Variants in KIAA1549L observed in about 807,000 individuals in gnomAD.
KIAA1549L encodes the protein UPF0606 protein KIAA1549L.
KIAA1549L carries 88 observed loss-of-function variants against 160.7 expected under a neutral mutation model. That is an observed-to-expected ratio of 0.55 (90% CI 0.46 to 0.65). The LOEUF (loss-of-function observed/expected upper bound fraction) is 0.65. KIAA1549L is among the 30% of genes least tolerant of loss of function. The pLI is 0.00. For synonymous variants in KIAA1549L, 950 were observed against 976.7 expected (o/e 0.97, Z 0.51); for missense variants, 2,258 against 2,437.5 (o/e 0.93, Z 1.55).
chr11:33,391,709 G>A (rs755416894), intron 1 of KIAA1549L, among the ~76,000 whole-genome samples: 3 of 152,170 alleles, frequency 2.0e-5, no homozygotes, highest in Admixed American at 6.5e-5. Context: ...ACAACGGGTC[G>A]TGTTGGTCAC....
intron 17 of KIAA1549L, among the ~76,000 whole-genome samples, chr11:33,655,591 G>T (rs922090864): frequency 6.6e-6 from 1 of 152,200 alleles, no homozygotes; most frequent in South Asian, 2.1e-4. Context: ...CTAGTTGGTG[G>T]CAGATCGTAA....
At chr11:33,512,218 A>C (rs1020065155) in intron 1 of KIAA1549L, among the ~76,000 whole-genome samples, 2 of 152,254 alleles carry the variant, frequency 1.3e-5, no homozygotes, top group African/African-American at 4.8e-5. Context: ...GACAAGGTAC[A>C]AAACATGGAC....
At chr11:33,572,947 C>T (rs773894448) in intron 9 of KIAA1549L, among the ~76,000 whole-genome samples, 3 of 152,216 alleles carry the variant, frequency 2.0e-5, no homozygotes, top group Non-Finnish European at 4.4e-5. Context: ...TTCACTTCCT[C>T]ATCAACACTT....
intron 1 of KIAA1549L, among the ~76,000 whole-genome samples, chr11:33,491,329 A>C (rs1052619049): frequency 4.7e-4 from 71 of 152,326 alleles, no homozygotes; most frequent in African/African-American, 1.7e-3. Context: ...TACACGGTTC[A>C]CATGGCACTA....
intron 15 of KIAA1549L, 69 bp downstream of exon 15, chr11:33,610,035 T>C: frequency 8.5e-7 from 1 of 1,174,796 alleles, no homozygotes. Flanking sequence ...CCTTGGGCAG[T>C]ATATCCTGGT....
chr11:33,404,508 C>G (rs1280667416), intron 1 of KIAA1549L, among the ~76,000 whole-genome samples: 1 of 151,912 alleles, frequency 6.6e-6, no homozygotes, highest in East Asian at 1.9e-4. Flanking sequence ...GCCTGGGCGA[C>G]AGAGCGAGAC....
chr11:33,615,757 C>A (rs1590400621), intron 15 of KIAA1549L, among the ~76,000 whole-genome samples: 1 of 152,286 alleles, frequency 6.6e-6, no homozygotes. Flanking sequence ...TGCAAAATAA[C>A]CTACTTAAGT....
In KIAA1549L at chr11:33,645,882, A is replaced by G; in HGVS notation, c.5606A>G (p.Gln1869Arg). 1 of 1,613,798 alleles carries G rather than the reference A, an allele frequency of 6.2e-7. No homozygotes were observed. Among genetic ancestry groups the G allele is most frequent in the Non-Finnish European group, 8.5e-7 (1 of 1,179,838 alleles). ...CTGGCATCCGCGGGCCACGCAGGCC[A>G]GAGCCGGCACCAAGAGGCCTACGGC... is the stretch of plus-strand genomic sequence containing the variant. ...FSLASAGHAG[Q>R]SRHQEAYGSA... is the part of the protein sequence containing the mutation. Residue 1869 changes from glutamine to arginine, a missense_variant, in exon 17 of 21, where the codon CAG becomes CGG. Physicochemically the swap from Gln to Arg is conservative, Grantham distance 43. Coordinates refer to ENST00000658780, the MANE Select transcript of KIAA1549L (RefSeq NM_012194.3).
intron 1 of KIAA1549L, among the ~76,000 whole-genome samples, chr11:33,420,776 G>A (rs1171017766): frequency 6.6e-6 from 1 of 152,142 alleles, no homozygotes; most frequent in South Asian, 2.1e-4. Context: ...TCATAACCAC[G>A]AAATATATGA....
chr11:33,469,534 T>A (rs2133021911), intron 1 of KIAA1549L, among the ~76,000 whole-genome samples: 1 of 152,326 alleles, frequency 6.6e-6, no homozygotes, highest in East Asian at 1.9e-4. Context: ...CTTAGGTATA[T>A]ACCTAGGAAT....
At position 33,552,236 on chromosome 11, in the gene KIAA1549L, A is replaced by G. The variant is rs906486199; in HGVS notation, c.3850A>G (p.Ile1284Val). The change falls in exon 6 of 21, where the codon ATT becomes GTT. Residue 1284 changes from isoleucine to valine, a missense_variant. Around this residue, in one of 6 missense-constraint regions of KIAA1549L, gnomAD observed 1,359 missense variants for 1,546.6 expected, o/e 0.88. Coordinates refer to ENST00000658780, the MANE Select transcript of KIAA1549L (RefSeq NM_012194.3). ...KVLNTKSNLT[I>V]QIVSTSNASQ... Reference sequence around the variant, plus strand: ...CCTGAATACCAAAAGCAACTTGACAATTCAGGTAGGGAGGAAGGTGCTTCA... The same window carrying G: ...CCTGAATACCAAAAGCAACTTGACAGTTCAGGTAGGGAGGAAGGTGCTTCA... The G allele has an allele frequency of 6.2e-7, 1 of 1,600,218 alleles. No individual in the cohort carries two copies. Among genetic ancestry groups the G allele is most frequent in the Non-Finnish European group, 8.5e-7 (1 of 1,173,082 alleles).
intron 6 of KIAA1549L, among the ~76,000 whole-genome samples, chr11:33,553,049 G>T (rs1339979573): frequency 6.6e-6 from 1 of 152,198 alleles, no homozygotes; most frequent in Admixed American, 6.5e-5. Flanking sequence ...AGCTACAGGA[G>T]TCTTAAGAGT....
intron 1 of KIAA1549L, among the ~76,000 whole-genome samples, chr11:33,445,162 C>G (rs887330575): frequency 6.6e-6 from 1 of 152,112 alleles, no homozygotes; most frequent in Non-Finnish European, 1.5e-5. Context: ...GGTGAGGAAG[C>G]GAAACCAAGA....
intron 1 of KIAA1549L, among the ~76,000 whole-genome samples, chr11:33,507,197 G>A (rs542257008): frequency 6.6e-6 from 1 of 152,258 alleles, no homozygotes; most frequent in East Asian, 1.9e-4. Context: ...GCTTGCTGAG[G>A]TCAGAGTCAG....
chr11:33,445,100 C>T (rs1264266887), intron 1 of KIAA1549L, among the ~76,000 whole-genome samples: 2 of 152,174 alleles, frequency 1.3e-5, no homozygotes, highest in East Asian at 3.8e-4. Context: ...CACAGTTAGG[C>T]CCCCAGGTCC....
chr11:33,415,836 C>T (rs1373046700), intron 1 of KIAA1549L, among the ~76,000 whole-genome samples: 2 of 152,060 alleles, frequency 1.3e-5, no homozygotes, highest in Non-Finnish European at 2.9e-5. Flanking sequence ...CGGAGTTTCA[C>T]TCTTGTTGCC....
intron 3 of KIAA1549L, among the ~76,000 whole-genome samples, chr11:33,547,464 C>T (rs531506871): frequency 2.0e-5 from 3 of 152,190 alleles, no homozygotes; most frequent in Non-Finnish European, 2.9e-5. Context: ...GCAGGAATCT[C>T]ATCGCATGCA....
intron 1 of KIAA1549L, among the ~76,000 whole-genome samples, chr11:33,391,577 T>G (rs11032254): frequency 0.11 from 16,765 of 152,256 alleles, 1,525 homozygotes; most frequent in African/African-American, 0.25. Context: ...GATTGGCTCT[T>G]TTCATTTGCA....
intron 1 of KIAA1549L, among the ~76,000 whole-genome samples, chr11:33,523,771 G>A (rs1853549686): frequency 1.3e-5 from 2 of 152,140 alleles, no homozygotes; most frequent in South Asian, 4.1e-4. Context: ...CGTATTAATT[G>A]ACAATTTATG....
Sources: allele counts gnomAD v4.1 joint callset (sites outside exome capture counted in the v4.1 genomes callset), GRCh38; gene constraint gnomAD v4.1.1; regional missense constraint gnomAD v4.1.1; transcripts MANE v1.5; gene names NCBI Gene and HGNC (gene_info 2026-07-23, HGNC 2026-07-21).